Variants in DAOA observed in about 807,000 individuals in gnomAD.
The protein encoded by DAOA is D-amino acid oxidase activator, also known as D-amino acid oxidase regulator.
Under a neutral mutation model 16.4 loss-of-function variants are expected in DAOA, and 15 were observed. The ratio of observed to expected loss-of-function variants is 0.91; its 90% CI spans 0.61 to 1.41. The LOEUF is 1.41. Ranked by LOEUF, DAOA falls within the 40% of genes most tolerant of loss-of-function variation. The pLI is 0.00. For synonymous variants in DAOA, 75 were observed against 59.1 expected (o/e 1.27, Z -1.23); for missense variants, 230 against 176.8 (o/e 1.30, Z -1.71).
intron 3 of DAOA, among the ~76,000 whole-genome samples, chr13:105,468,847 T>C (rs916945573): frequency 6.6e-6 from 1 of 152,126 alleles, no homozygotes; most frequent in Non-Finnish European, 1.5e-5. Flanking sequence ...ATTATGAAAA[T>C]AATTGTGGGT....
At chr13:105,481,001 T>A (rs1877709470) in intron 4 of DAOA, among the ~76,000 whole-genome samples, 1 of 152,156 alleles carries the variant, frequency 6.6e-6, no homozygotes, top group Non-Finnish European at 1.5e-5. Context: ...TCTGGGTATT[T>A]CCATAATCCA....
At chr13:105,479,886 T>C (rs1877588441) in intron 4 of DAOA, among the ~76,000 whole-genome samples, 2 of 152,074 alleles carry the variant, frequency 1.3e-5, no homozygotes, top group South Asian at 4.1e-4. Flanking sequence ...CAAATCAGAG[T>C]CTCTGCCATT....
chr13:105,474,055 C>A (rs1877173647), intron 4 of DAOA, among the ~76,000 whole-genome samples: 1 of 152,044 alleles, frequency 6.6e-6, no homozygotes, highest in Non-Finnish European at 1.5e-5. Context: ...CTAATTTAAA[C>A]TATGTATATA....
intron 4 of DAOA, among the ~76,000 whole-genome samples, chr13:105,474,277 G>T (rs1877192051): frequency 6.6e-6 from 1 of 152,006 alleles, no homozygotes; most frequent in African/African-American, 2.4e-5. Flanking sequence ...CACATAGGAA[G>T]ACAGAAATTG....
rs927979572 is a variant in DAOA, at chr13:105,490,112, T to G, written c.*31T>G. 12 of 1,535,660 alleles carry G rather than the reference T, an allele frequency of 7.8e-6. No individual in the cohort carries two copies. The African/African-American group carries it at 1.4e-4, about 18-fold the overall frequency. The stretch of plus-strand genomic sequence containing the variant: ...GAAGCAGATTCTTCCCAGCCAATCC[T>G]TCTGATGACAATGTAGTCTGGCCAA... On this transcript the variant is annotated 3_prime_UTR_variant, in exon 5 of 6. Transcript: ENST00000375936.
intron 4 of DAOA, among the ~76,000 whole-genome samples, chr13:105,485,110 C>T (rs1878019903): frequency 6.6e-6 from 1 of 152,112 alleles, no homozygotes. Flanking sequence ...AAGGTTTCTT[C>T]TATTCTGACT....
intron 4 of DAOA, among the ~76,000 whole-genome samples, chr13:105,486,621 CTT>C (rs1491555197): frequency 7.2e-6 from 1 of 138,050 alleles, no homozygotes; most frequent in African/African-American, 2.6e-5. Context: ...TTCTTTCTTT[CTT>C]TTTTTTTCTT....
intron 3 of DAOA, among the ~76,000 whole-genome samples, chr13:105,470,228 C>A (rs1047151436): frequency 6.6e-6 from 1 of 151,418 alleles, no homozygotes; most frequent in African/African-American, 2.4e-5. Flanking sequence ...AACATAATTT[C>A]TAATATATAG....
intron 4 of DAOA, among the ~76,000 whole-genome samples, chr13:105,475,623 G>A (rs1877275172): frequency 6.6e-6 from 1 of 152,008 alleles, no homozygotes; most frequent in Admixed American, 6.6e-5. Flanking sequence ...AATGTGGGAA[G>A]GTAAAAATAT....
At chr13:105,487,233 G>A (rs183536081) in intron 4 of DAOA, among the ~76,000 whole-genome samples, 43 of 152,274 alleles carry the variant, frequency 2.8e-4, no homozygotes, top group African/African-American at 9.6e-4. Context: ...TCAGTCAAAT[G>A]GACTGGCTTC....
intron 4 of DAOA, among the ~76,000 whole-genome samples, chr13:105,476,272 T>A (rs553856386): frequency 2.0e-5 from 3 of 152,120 alleles, no homozygotes; most frequent in Admixed American, 6.6e-5. Flanking sequence ...CACTGGAATT[T>A]CTCACTTTTT....
intron 4 of DAOA, among the ~76,000 whole-genome samples, chr13:105,477,400 C>A (rs1297127764): frequency 6.6e-6 from 1 of 152,198 alleles, no homozygotes; most frequent in Non-Finnish European, 1.5e-5. Context: ...TAATCCTACA[C>A]AAATGCCAGT....
chr13:105,473,078 T>C (rs2139175801), intron 4 of DAOA, among the ~76,000 whole-genome samples: 1 of 152,102 alleles, frequency 6.6e-6, no homozygotes, highest in African/African-American at 2.4e-5. Context: ...GAGAGGGAAA[T>C]ATGTGAAAAA....
At chr13:105,473,389 G>T (rs1259219926) in intron 4 of DAOA, among the ~76,000 whole-genome samples, 1 of 151,672 alleles carries the variant, frequency 6.6e-6, no homozygotes, top group Non-Finnish European at 1.5e-5. Flanking sequence ...TTCATGTTAG[G>T]CTTAACGAGA....
chr13:105,474,107 A>G (rs987526602), intron 4 of DAOA, among the ~76,000 whole-genome samples: 10 of 152,080 alleles, frequency 6.6e-5, no homozygotes, highest in Non-Finnish European at 1.3e-4. Flanking sequence ...CATCCTATTT[A>G]CTAGGTTATA....
At chr13:105,471,594 A>T (rs1166091702) in intron 3 of DAOA, among the ~76,000 whole-genome samples, 1 of 152,250 alleles carries the variant, frequency 6.6e-6, no homozygotes, top group Non-Finnish European at 1.5e-5. Context: ...GCATTTAAAG[A>T]CATGGTAAGC....
chr13:105,486,785 A>T (rs1878142720), intron 4 of DAOA, among the ~76,000 whole-genome samples: 1 of 151,716 alleles, frequency 6.6e-6, no homozygotes, highest in African/African-American at 2.4e-5. Flanking sequence ...AGCCTGGATA[A>T]TTTTTGTATT....
At chr13:105,474,409 A>G (rs781033831) in intron 4 of DAOA, among the ~76,000 whole-genome samples, 130 of 152,074 alleles carry the variant, frequency 8.5e-4, no homozygotes, top group Non-Finnish European at 1.6e-3. Flanking sequence ...GATCATTTGT[A>G]ATACATAGAT....
chr13:105,486,499 G>A (rs1055000128), intron 4 of DAOA, among the ~76,000 whole-genome samples: 5 of 152,106 alleles, frequency 3.3e-5, no homozygotes, highest in African/African-American at 1.2e-4. Context: ...GAACAACAGA[G>A]TGTGCTTATT....
Sources: gnomAD v4.1 joint callset for allele counts (sites outside exome capture counted in the v4.1 genomes callset) on GRCh38, gnomAD v4.1.1 for gene constraint, MANE v1.5 for transcripts, NCBI Gene and HGNC (gene_info 2026-07-23, HGNC 2026-07-21) for gene names.